Variants in ROBO1 observed in about 807,000 individuals in gnomAD.
The protein encoded by ROBO1 is roundabout homolog 1.
ROBO1 carries 149 observed loss-of-function variants against 195.9 expected under a neutral mutation model. The ratio of observed to expected loss-of-function variants is 0.76; its 90% confidence interval spans 0.67 to 0.87. ROBO1 has a LOEUF of 0.87. Among genes scored for constraint, ROBO1 ranks in the 40% least tolerant of loss-of-function variants. The probability of loss-of-function intolerance (pLI) is 0.00; values close to 1 mark genes in which losing one functional copy is unlikely to be tolerated. For missense variants in ROBO1, 1,933 were observed against 2,068.3 expected (o/e 0.93, Z 1.27); for synonymous variants, 816 against 733.2 (o/e 1.11, Z -1.82).
chr3:79,636,034 C>T lies in ROBO1; in HGVS notation c.-50-46073G>A, dbSNP rs557841185. 3.3e-5 allele frequency among the ~76,000 whole-genome samples: 5 copies of T among 152,162 alleles called. No individual in the cohort carries two copies. In the East Asian group the frequency reaches 9.7e-4, roughly 29 times the overall value. ...TTATGCCAGTAGTCTTTCTCGCCAC[C>T]ATTATTTATTTATGTGGTTGAAATC... On this transcript the variant is annotated intron_variant, in intron 1 of 30. Coordinates refer to ENST00000464233, the MANE Select transcript of ROBO1 (RefSeq NM_002941.4).
chr3:79,633,673 G>T (rs1322664285), intron 1 of ROBO1, among the ~76,000 whole-genome samples: 1 of 151,748 alleles, frequency 6.6e-6, no homozygotes, highest in East Asian at 1.9e-4. Context: ...ATCAAGGCTT[G>T]ATTCCTTGTT....
chr3:79,725,193 A>G (rs534418484), intron 1 of ROBO1, among the ~76,000 whole-genome samples: 1 of 150,408 alleles, frequency 6.6e-6, no homozygotes, highest in East Asian at 2.0e-4. Context: ...GCTATGTAAA[A>G]GATGCCTTAT....
intron 26 of ROBO1, among the ~76,000 whole-genome samples, chr3:78,621,489 T>C (rs537191846): frequency 6.6e-6 from 1 of 152,338 alleles, no homozygotes; most frequent in Admixed American, 6.5e-5. Flanking sequence ...AAGGGCTGGC[T>C]TTTAACTACA....
In ROBO1 at chr3:78,752,440, T is replaced by C. The variant is rs2082821150; in HGVS notation, c.500-5540A>G. 2.0e-5 allele frequency among the ~76,000 whole-genome samples: 3 copies of C among 152,128 alleles called. No homozygotes were observed. The South Asian group carries it at 6.2e-4, about 31-fold the overall frequency. On this transcript the variant is annotated intron_variant, in intron 4 of 30. Transcript: ENST00000464233. The stretch of plus-strand genomic sequence containing the variant: ...GGGAAACAGTAATACAATAGGGTCT[T>C]ATTGCAGGTTATTTTGAATTAAGAG...
intron 2 of ROBO1, among the ~76,000 whole-genome samples, chr3:79,394,411 T>C (rs1316819563): frequency 2.6e-5 from 4 of 152,046 alleles, no homozygotes; most frequent in Non-Finnish European, 5.9e-5. Context: ...GTAAATTGAA[T>C]TTAAAAAATC....
Position 78,749,251 on chromosome 3 carries a change from C to T in ROBO1, c.500-2351G>A, listed in dbSNP as rs184549471. ...TATGCACAATTTTTCTCTGTGGCAA[C>T]CTTAAAACCAATTTGGTAATGCTAT... On this transcript the variant is annotated intron_variant, in intron 4 of 30. Transcript: ENST00000464233. Among the ~76,000 whole-genome samples the T allele has an allele frequency of 2.5e-3, 385 of 152,082 alleles. 1 individual carries two copies. The highest frequency in any genetic ancestry group is 8.4e-3 in the African/African-American group (347 of 41,504).
chr3:78,717,183 G>A (rs1406844489), intron 7 of ROBO1, 92 bp downstream of exon 7: 2 of 1,336,300 alleles, frequency 1.5e-6, no homozygotes, highest in Non-Finnish European at 2.0e-6. Context: ...TTCTAGAATG[G>A]ACTATTCTAA....
At chr3:78,859,084 G>A (rs1259872433) in intron 4 of ROBO1, among the ~76,000 whole-genome samples, 2 of 152,152 alleles carry the variant, frequency 1.3e-5, no homozygotes, top group Non-Finnish European at 2.9e-5. Flanking sequence ...GTGGACTACA[G>A]CAGGGAGACT....
intron 25 of ROBO1, among the ~76,000 whole-genome samples, chr3:78,628,357 C>T (rs958470336): frequency 2.6e-5 from 4 of 152,050 alleles, no homozygotes; most frequent in African/African-American, 4.8e-5. Context: ...TATAGTAGAT[C>T]ACTATTTCTT....
intron 3 of ROBO1, among the ~76,000 whole-genome samples, chr3:79,035,395 G>C (rs565215548): frequency 6.6e-6 from 1 of 152,240 alleles, no homozygotes; most frequent in South Asian, 2.1e-4. Flanking sequence ...ATAGAAAGCT[G>C]GCTTGACTGA....
chr3:78,720,216 T>C (rs2082008466), intron 5 of ROBO1, among the ~76,000 whole-genome samples: 2 of 152,220 alleles, frequency 1.3e-5, no homozygotes, highest in African/African-American at 4.8e-5. Flanking sequence ...TACAATGCCT[T>C]GTAAATAGTA....
At chr3:79,720,792 A>ATT (rs36105372) in intron 1 of ROBO1, among the ~76,000 whole-genome samples, 36,262 of 142,770 alleles carry the variant, frequency 0.25, 5,841 homozygotes, top group East Asian at 0.56. Flanking sequence ...GGAGTTGCTA[A>ATT]TTTTTTTTTT....
At chr3:79,735,666 C>T (rs1385653403) in intron 1 of ROBO1, among the ~76,000 whole-genome samples, 1 of 152,042 alleles carries the variant, frequency 6.6e-6, no homozygotes, top group Admixed American at 6.5e-5. Context: ...GTCAGGAGAT[C>T]GAGACCATCC....
chr3:79,279,985 T>C (rs1409086167), intron 2 of ROBO1, among the ~76,000 whole-genome samples: 1 of 152,218 alleles, frequency 6.6e-6, no homozygotes, highest in Admixed American at 6.5e-5. Flanking sequence ...TTAAGTGAAG[T>C]AAGCCAGAAA....
intron 10 of ROBO1, among the ~76,000 whole-genome samples, chr3:78,683,097 C>A (rs1217023721): frequency 6.6e-6 from 1 of 151,360 alleles, no homozygotes; most frequent in Admixed American, 6.6e-5. Flanking sequence ...TATTTTACCA[C>A]CAGATACAAT....
intron 2 of ROBO1, among the ~76,000 whole-genome samples, chr3:79,159,140 G>C (rs1490737137): frequency 6.6e-6 from 1 of 151,928 alleles, no homozygotes; most frequent in Non-Finnish European, 1.5e-5. Flanking sequence ...AGCTTACTCT[G>C]CAAGAGCTAA....
At chr3:79,321,884 A>C (rs1452811484) in intron 2 of ROBO1, among the ~76,000 whole-genome samples, 6 of 152,200 alleles carry the variant, frequency 3.9e-5, no homozygotes. Context: ...ATTATTGCTC[A>C]TACTTATTAG....
intron 2 of ROBO1, among the ~76,000 whole-genome samples, chr3:79,383,352 T>A (rs1278779852): frequency 1.3e-5 from 2 of 152,128 alleles, no homozygotes; most frequent in South Asian, 2.1e-4. Flanking sequence ...GAGAAAAAAA[T>A]TTCCGTAAGA....
chr3:79,333,539 T>G (rs1040289094), intron 2 of ROBO1, among the ~76,000 whole-genome samples: 6 of 152,136 alleles, frequency 3.9e-5, no homozygotes, highest in Non-Finnish European at 8.8e-5. Context: ...AGTCTCAAGC[T>G]TATCCACAAG....
Sources: allele counts gnomAD v4.1 joint callset (sites outside exome capture counted in the v4.1 genomes callset), GRCh38; gene constraint gnomAD v4.1.1; transcripts MANE v1.5; gene names NCBI Gene and HGNC (gene_info 2026-07-23, HGNC 2026-07-21).